Variants in PPM1E observed in about 807,000 individuals in gnomAD.
The protein encoded by PPM1E is protein phosphatase 1E.
In PPM1E, 20 loss-of-function variants were observed where a neutral mutation model predicts 65.9. The observed-to-expected ratio is 0.30, with a 90% confidence interval of 0.21 to 0.44. The LOEUF is 0.44. Among genes scored for constraint, PPM1E ranks in the 20% least tolerant of loss-of-function variants. PPM1E has a pLI of 1.00. For missense variants in PPM1E, 713 were observed against 953.1 expected (o/e 0.75, Z 3.32); for synonymous variants, 352 against 374.9 (o/e 0.94, Z 0.70).
At chr17:58,870,250 T>G (rs1180255025) in intron 1 of PPM1E, among the ~76,000 whole-genome samples, 2 of 152,222 alleles carry the variant, frequency 1.3e-5, no homozygotes, top group African/African-American at 2.4e-5. Flanking sequence ...TAGACAATTT[T>G]TTCATTTCCT....
intron 1 of PPM1E, among the ~76,000 whole-genome samples, chr17:58,953,746 C>CT (rs71145508): frequency 0.93 from 129,059 of 138,274 alleles, 60,653 homozygotes; most frequent in South Asian, 0.99. Flanking sequence ...ATATTTCCAT[C>CT]TTTTTTTTTT....
chr17:58,894,176 C>T (rs568757586), intron 1 of PPM1E, among the ~76,000 whole-genome samples: 2 of 152,194 alleles, frequency 1.3e-5, no homozygotes, highest in South Asian at 4.2e-4. Flanking sequence ...GGCTGGAGTA[C>T]AGTGGTGCAA....
chr17:58,927,189 C>T (rs761498287), intron 1 of PPM1E, among the ~76,000 whole-genome samples: 11 of 143,908 alleles, frequency 7.6e-5, no homozygotes, highest in Non-Finnish European at 1.6e-4. Context: ...TGCAGTGGCT[C>T]GGTCTCGGCT....
chr17:58,902,722 A>G (rs925071256), intron 1 of PPM1E, among the ~76,000 whole-genome samples: 3 of 152,192 alleles, frequency 2.0e-5, no homozygotes, highest in Non-Finnish European at 2.9e-5. Flanking sequence ...TTTTGCTTCC[A>G]AAGAAAAACA....
chr17:58,772,827 A>T (rs1288079189), intron 1 of PPM1E, among the ~76,000 whole-genome samples: 4 of 152,164 alleles, frequency 2.6e-5, no homozygotes, highest in Admixed American at 2.6e-4. Context: ...TGGAATTTTT[A>T]AACTAAAAGT....
chr17:58,847,330 C>T (rs1020254490), intron 1 of PPM1E, among the ~76,000 whole-genome samples: 1 of 152,172 alleles, frequency 6.6e-6, no homozygotes, highest in African/African-American at 2.4e-5. Context: ...GTGTTTTAGT[C>T]ATGAAGTCCT....
At chr17:58,758,095 G>A (rs2049786505) in intron 1 of PPM1E, among the ~76,000 whole-genome samples, 1 of 152,056 alleles carries the variant, frequency 6.6e-6, no homozygotes, top group African/African-American at 2.4e-5. Context: ...TACAAATGCA[G>A]TTTGCAGAAT....
At chr17:58,758,527 CAA>C (rs568329714) in intron 1 of PPM1E, among the ~76,000 whole-genome samples, 13 of 70,736 alleles carry the variant, frequency 1.8e-4, no homozygotes, top group Admixed American at 1.6e-4. Flanking sequence ...GACTCCGTCT[CAA>C]AAAAAAAAAA....
chr17:58,860,653 CT>C (rs1421027976), intron 1 of PPM1E, among the ~76,000 whole-genome samples: 1 of 152,216 alleles, frequency 6.6e-6, no homozygotes, highest in African/African-American at 2.4e-5. Context: ...AGCTAACATA[CT>C]CGCTTTAGGC....
At chr17:58,972,036 C>A in intron 4 of PPM1E, 96 bp from the exon 5 acceptor site, 3 of 1,186,092 alleles carry the variant, frequency 2.5e-6, no homozygotes, top group Non-Finnish European at 2.4e-6. Flanking sequence ...AATAGTATAG[C>A]TCCCAGCTGA....
intron 1 of PPM1E, among the ~76,000 whole-genome samples, chr17:58,823,294 A>G (rs1363035845): frequency 1.3e-5 from 2 of 152,220 alleles, no homozygotes; most frequent in African/African-American, 2.4e-5. Context: ...TGGGCAGGAA[A>G]GGAACTATGA....
At chr17:58,880,668 G>A (rs757495481) in intron 1 of PPM1E, among the ~76,000 whole-genome samples, 10 of 152,094 alleles carry the variant, frequency 6.6e-5, no homozygotes, top group Non-Finnish European at 1.0e-4. Context: ...CTGTCGCCCA[G>A]GCTGGAGTGC....
intron 1 of PPM1E, among the ~76,000 whole-genome samples, chr17:58,883,946 A>T (rs919796358): frequency 1.4e-4 from 22 of 152,276 alleles, no homozygotes; most frequent in Admixed American, 6.5e-4. Flanking sequence ...CCAAAAAAAA[A>T]TAAAAATAAA....
intron 1 of PPM1E, among the ~76,000 whole-genome samples, chr17:58,869,069 C>G (rs1170514551): frequency 6.6e-6 from 1 of 152,044 alleles, no homozygotes; most frequent in Non-Finnish European, 1.5e-5. Flanking sequence ...ACTCAGGAGG[C>G]TGAAGCATGA....
At position 58,965,717 on chromosome 17, in the gene PPM1E, C is replaced by T. The variant is rs894149894; in HGVS notation, c.607C>T (p.Arg203Cys). The stretch of plus-strand genomic sequence containing the variant: ...AGAGATTGAGACAGTGAAATTGGCC[C>T]GTTCTGTCTTCAGCAAACTACACGA... ...TVEIETVKLA[R>C]SVFSKLHEIC... is the part of the protein sequence containing the mutation. Residue 203 changes from arginine to cysteine, a missense_variant, in exon 3 of 7, where the codon CGT (arginine) becomes TGT (cysteine). By Grantham distance (180) the Arg-to-Cys change is radical (BLOSUM62 -3). This residue lies in a region of PPM1E where 84 missense variants were observed against 113.9 expected (regional missense o/e 0.74). Coordinates refer to ENST00000308249, the MANE Select transcript of PPM1E (RefSeq NM_014906.5). 7 of 1,614,040 alleles carry T rather than the reference C, an allele frequency of 4.3e-6. No homozygotes were observed. The highest frequency in any genetic ancestry group is 2.2e-5 in the East Asian group (1 of 44,874).
Position 58,979,837 on chromosome 17 carries a change from A to G in PPM1E, c.1211-137A>G, listed in dbSNP as rs2240518. The stretch of plus-strand genomic sequence containing the variant: ...GAATTTAAGTATTTTGTCAAAAACT[A>G]TTTTATAAATTCTTTCCAGTCAAGT... On this transcript the variant is annotated intron_variant, in intron 6 of 6. Coordinates refer to ENST00000308249, the MANE Select transcript of PPM1E (RefSeq NM_014906.5). 4,280 of 692,724 alleles carry G rather than the reference A, an allele frequency of 6.2e-3. 161 individuals carry two copies. In the Admixed American group the frequency reaches 0.078, roughly 13 times the overall value. The allele number at this position is 692,724 out of a possible 1,614,324, so 42.9% of individuals were successfully genotyped here.
intron 1 of PPM1E, among the ~76,000 whole-genome samples, chr17:58,867,238 A>C (rs1274378153): frequency 1.3e-5 from 2 of 152,224 alleles, no homozygotes; most frequent in African/African-American, 4.8e-5. Context: ...TTGGCCTCCC[A>C]AAGTGCTGGG....
At chr17:58,812,856 C>T (rs2050382411) in intron 1 of PPM1E, among the ~76,000 whole-genome samples, 1 of 152,170 alleles carries the variant, frequency 6.6e-6, no homozygotes, top group Non-Finnish European at 1.5e-5. Context: ...CATGAGCCAC[C>T]GTGCCCAGCC....
rs538199615 is a variant in PPM1E at position 58,877,507 on chromosome 17, T to A, written c.465-78142T>A. 2.6e-5 allele frequency among the ~76,000 whole-genome samples: 4 copies of A among 152,318 alleles called. No homozygotes were observed. In the South Asian group the frequency reaches 8.3e-4, roughly 32 times the overall value. On this transcript the variant is annotated intron_variant, in intron 1 of 6. Transcript: ENST00000308249. ...CCCTCAATTTCTAAACAAATTATAT[T>A]CTAAAAGTTTGTTTTAAAATGTATT... is the stretch of plus-strand genomic sequence containing the variant.
Sources: allele counts gnomAD v4.1 joint callset (sites outside exome capture counted in the v4.1 genomes callset), GRCh38; gene constraint gnomAD v4.1.1; regional missense constraint gnomAD v4.1.1; transcripts MANE v1.5; gene names NCBI Gene and HGNC (gene_info 2026-07-23, HGNC 2026-07-21).